The following CLCN6 variants were observed in gnomAD, a reference collection of about 807,000 sequenced individuals.
The protein encoded by CLCN6 is Cl-/H+ antiporter 6, also known as H(+)/Cl(-) exchange transporter 6.
A neutral mutation model predicts 109.8 loss-of-function variants in CLCN6; 70 were observed. The observed-to-expected ratio is 0.64, with a 90% CI of 0.53 to 0.78. The LOEUF (loss-of-function observed/expected upper bound fraction) is 0.78. CLCN6 is among the 30% of genes least tolerant of loss of function. The pLI is 0.00. For missense variants in CLCN6, 984 were observed against 1,142.3 expected (o/e 0.86, Z 2.00); for synonymous variants, 444 against 447.8 (o/e 0.99, Z 0.11).
At chr1:11,811,384 A>ATT (rs112220577) in intron 2 of CLCN6, among the ~76,000 whole-genome samples, 7,568 of 144,096 alleles carry the variant, frequency 0.053, 224 homozygotes, top group African/African-American at 0.057. Context: ...CCTACAGTCA[A>ATT]TTTTTTTTTT....
At chr1:11,837,235 T>C (rs1427320549) in intron 19 of CLCN6, 79 bp downstream of exon 19, 6 of 1,590,454 alleles carry the variant, frequency 3.8e-6, no homozygotes, top group East Asian at 4.5e-5. Context: ...TGTTGTGAGG[T>C]GGCTCCTGAG....
intron 11 of CLCN6, 114 bp from the exon 12 acceptor site, chr1:11,828,344 G>T: frequency 6.9e-7 from 1 of 1,449,362 alleles, no homozygotes; most frequent in Non-Finnish European, 9.7e-7. Context: ...TCACCCATTA[G>T]CCTCTGCCGT....
Position 11,837,019 on chromosome 1 carries a change from G to A in CLCN6, c.2001G>A (p.Arg667=), listed in dbSNP as rs1644958590. ...CACAGAAATCCAGCATCCTCACCCG[G>A]GCTGGCGAGCAGCGCAAACGGAGCC... ...IKFKKSSILT[R]AGEQRKRSQS... Residue 667 remains arginine (R), a synonymous_variant, in exon 19 of 23, where the codon CGG becomes CGA. Transcript: ENST00000346436. 1.2e-6 allele frequency: 2 copies of A among 1,611,094 alleles called. No individual in the cohort carries two copies. The highest frequency in any genetic ancestry group is 1.7e-5 in the Admixed American group (1 of 60,008).
intron 5 of CLCN6, 92 bp from the exon 6 acceptor site, chr1:11,822,603 A>G (rs1644760006): frequency 1.3e-6 from 1 of 742,398 alleles, no homozygotes; most frequent in African/African-American, 1.8e-5. Flanking sequence ...AGCAGCCAGC[A>G]TGATCCAAAG....
At chr1:11,836,891 C>G in intron 18 of CLCN6, 108 bp from the exon 19 acceptor site, 1 of 1,287,128 alleles carries the variant, frequency 7.8e-7, no homozygotes. Context: ...TAAGTTCCTG[C>G]GTCCGGATGT....
chr1:11,815,545 G>A lies in CLCN6; in HGVS notation c.148-301G>A, dbSNP rs571195849. On this transcript the variant is annotated intron_variant, in intron 2 of 22. Transcript: ENST00000346436. ...AAAGTAGCTGGGACTACAGGTGCGC[G>A]CCACCATGCCTGGCTAATTTTGTAT... 1.6e-3 allele frequency among the ~76,000 whole-genome samples: 242 copies of A among 152,236 alleles called. 1 individual carries two copies. Among genetic ancestry groups the A allele is most frequent in the African/African-American group, 5.5e-3 (229 of 41,534 alleles).
rs762797912 is a variant in CLCN6, at chr1:11,838,364, C to T, written c.2325C>T (p.Ala775=). Residue 775 remains alanine (A), a synonymous_variant, in exon 21 of 23, where the codon GCC becomes GCT. Transcript: ENST00000346436. ...SSASQPRLSY[A]EMAEDYPRYP... is the part of the protein sequence containing the mutation. ...CCAGCCAGCCGCGCCTCTCCTATGC[C>T]GAGATGGCCGAGGACTACCCGCGGT... 36 of 1,612,514 alleles carry T rather than the reference C, an allele frequency of 2.2e-5. No individual in the cohort carries two copies. The highest frequency in any genetic ancestry group is 6.7e-5 in the Admixed American group (4 of 59,738).
At chr1:11,816,941 C>T (rs1644681157) in intron 4 of CLCN6, among the ~76,000 whole-genome samples, 1 of 151,430 alleles carries the variant, frequency 6.6e-6, no homozygotes, top group African/African-American at 2.4e-5. Context: ...CAATGGTGCT[C>T]TTGAAGCGCT....
Position 11,827,212 on chromosome 1 carries a change from G to C in CLCN6, c.831G>C (p.Thr277=). 1 of 1,611,806 alleles carries C rather than the reference G, an allele frequency of 6.2e-7. No homozygotes were observed. Among genetic ancestry groups the C allele is most frequent in the Non-Finnish European group, 8.5e-7 (1 of 1,178,644 alleles). The change falls in exon 10 of 23, where the codon ACG becomes ACC. Residue 277 remains threonine (T), a synonymous_variant. Transcript: ENST00000346436. ...EGSSFWNQGL[T]WKVLFCSMSA... is the part of the protein sequence containing the mutation. ...CGTCCTTCTGGAACCAAGGGCTCAC[G>C]TGGAAAGTGGTGAGGAGGACCTTCA... is the stretch of plus-strand genomic sequence containing the variant.
intron 4 of CLCN6, among the ~76,000 whole-genome samples, chr1:11,818,621 T>A (rs1349873080): frequency 6.6e-6 from 1 of 152,180 alleles, no homozygotes; most frequent in East Asian, 1.9e-4. Flanking sequence ...AGGCATTGGC[T>A]TGAGGGAAGG....
chr1:11,823,638 A>G lies in CLCN6; in HGVS notation c.454-69A>G. 2.5e-6 allele frequency: 4 copies of G among 1,608,338 alleles called. No individual in the cohort carries two copies. The South Asian group carries it at 4.4e-5, about 18-fold the overall frequency. The stretch of plus-strand genomic sequence containing the variant: ...GCCAGCTCTCCCTCTTCCGCCGCCC[A>G]GATTGTTGAGGGTAAGCCAGAGAAC... On this transcript the variant is annotated intron_variant, in intron 6 of 22. Coordinates refer to ENST00000346436, the MANE Select transcript of CLCN6 (RefSeq NM_001286.5).
At position 11,826,186 on chromosome 1, in the gene CLCN6, T is replaced by G; in HGVS notation, c.679T>G (p.Phe227Val). ...FQSISLRKIQFNFPYFRSDRD... is the reference protein window; with the variant it reads ...FQSISLRKIQVNFPYFRSDRD... ...GAGCATCTCCTTACGGAAGATCCAG[T>G]TTAACTTCCCCTATTTCCGAAGCGA... The change falls in exon 9 of 23, where the codon TTT (phenylalanine) becomes GTT (valine). Residue 227 changes from phenylalanine (F) to valine (V), a missense_variant. Phe to Val is a conservative substitution (Grantham distance 50). Transcript: ENST00000346436. 1 of 1,614,062 alleles carries G rather than the reference T, an allele frequency of 6.2e-7. No homozygotes were observed. The highest frequency in any genetic ancestry group is 8.5e-7 in the Non-Finnish European group (1 of 1,179,904).
Position 11,825,302 on chromosome 1 carries a change from G to A in CLCN6, c.648+749G>A, listed in dbSNP as rs999705474. 3.3e-5 allele frequency among the ~76,000 whole-genome samples: 5 copies of A among 152,198 alleles called. No homozygotes were observed. The East Asian group carries it at 9.6e-4, about 29-fold the overall frequency. On this transcript the variant is annotated intron_variant, in intron 8 of 22. Transcript: ENST00000346436. Reference sequence around the variant, plus strand: ...GAGCTCGTCTTTTGGTCTCTCTCCTGCTACTGCCTTGAGCACCAGATCTGG... The same window carrying A: ...GAGCTCGTCTTTTGGTCTCTCTCCTACTACTGCCTTGAGCACCAGATCTGG...
At chr1:11,825,610 T>G (rs1644801770) in intron 8 of CLCN6, among the ~76,000 whole-genome samples, 1 of 152,156 alleles carries the variant, frequency 6.6e-6, no homozygotes, top group Non-Finnish European at 1.5e-5. Flanking sequence ...GTAATCTCCT[T>G]TTTTCCCAAG....
chr1:11,816,239 G>C (rs1644670020), intron 3 of CLCN6, among the ~76,000 whole-genome samples: 1 of 152,166 alleles, frequency 6.6e-6, no homozygotes, highest in Admixed American at 6.5e-5. Context: ...ACACTTTATA[G>C]ACCTCAGTAT....
At chr1:11,811,744 A>C (rs1644602421) in intron 2 of CLCN6, among the ~76,000 whole-genome samples, 1 of 152,184 alleles carries the variant, frequency 6.6e-6, no homozygotes, top group Non-Finnish European at 1.5e-5. Context: ...ACTCATTAGC[A>C]GCCACTGCCT....
chr1:11,821,068 C>CTAGT (rs1431481217), intron 5 of CLCN6, among the ~76,000 whole-genome samples: 2 of 138,626 alleles, frequency 1.4e-5, no homozygotes, highest in East Asian at 4.1e-4. Flanking sequence ...GAGAGCAAAA[C>CTAGT]TGTCTCAAAA....
chr1:11,838,452 G>GA lies in CLCN6; in HGVS notation c.2403+10_2403+11insA, dbSNP rs746006800. The GA allele has an allele frequency of 5.6e-6, 9 of 1,613,898 alleles. No individual in the cohort carries two copies. In the South Asian group the frequency reaches 9.9e-5, roughly 18 times the overall value. On this transcript the variant is annotated intron_variant, in intron 21 of 22. Coordinates refer to ENST00000346436, the MANE Select transcript of CLCN6 (RefSeq NM_001286.5). ...CCCGCGCATGATCGTGGTGAGAAGG[G>GA]CTGCCCCGGCCTGTCCCATGCGGAG...
intron 22 of CLCN6, chr1:11,839,090 A>C: frequency 1.7e-6 from 1 of 588,218 alleles, no homozygotes; most frequent in South Asian, 2.2e-5. Context: ...TTAGAACTTC[A>C]TTATTTTCTT....
Sources: gnomAD v4.1 joint callset for allele counts (sites outside exome capture counted in the v4.1 genomes callset) on GRCh38, gnomAD v4.1.1 for gene constraint, MANE v1.5 for transcripts, NCBI Gene and HGNC (gene_info 2026-07-23, HGNC 2026-07-21) for gene names.